SLC71A2: variants seen among roughly 807,000 people sequenced by gnomAD.
The protein encoded by SLC71A2 is hippocampus abundant transcript-like 1.
the SLC71A2 span, among the ~76,000 whole-genome samples, chr9:94,407,039 A>G: frequency 6.6e-6 from 1 of 151,964 alleles, no homozygotes. Flanking sequence ...ATTGAATATG[A>G]TGTGAAGTAT....
the SLC71A2 span, among the ~76,000 whole-genome samples, chr9:94,426,983 A>C: frequency 7.7e-4 from 118 of 152,310 alleles, no homozygotes; most frequent in African/African-American, 2.6e-3. Flanking sequence ...TTACAGGTGT[A>C]TGCCACTGTG....
chr9:94,431,107 TC>T, the SLC71A2 span, among the ~76,000 whole-genome samples: 1 of 152,026 alleles, frequency 6.6e-6, no homozygotes, highest in African/African-American at 2.4e-5. Context: ...GATCAGGAGA[TC>T]GAGACCATCC....
the SLC71A2 span, among the ~76,000 whole-genome samples, chr9:94,395,553 T>C: frequency 6.6e-6 from 1 of 152,176 alleles, no homozygotes; most frequent in Non-Finnish European, 1.5e-5. Flanking sequence ...TGGCTTTGGA[T>C]CTTCAGGATT....
the SLC71A2 span, among the ~76,000 whole-genome samples, chr9:94,413,865 A>G: frequency 8.0e-3 from 1,215 of 152,250 alleles, 18 homozygotes; most frequent in African/African-American, 0.028. Flanking sequence ...CCTTGCTCCT[A>G]TGTCTGACAG....
chr9:94,397,482 G>A, the SLC71A2 span, among the ~76,000 whole-genome samples: 2 of 73,362 alleles, frequency 2.7e-5, no homozygotes, highest in Admixed American at 1.6e-4. Context: ...TTGGGAGAGT[G>A]TTTGGAAAAA....
chr9:94,388,370 A>G, the SLC71A2 span, among the ~76,000 whole-genome samples: 1 of 152,334 alleles, frequency 6.6e-6, no homozygotes, highest in Admixed American at 6.5e-5. Context: ...CACTAAAAAA[A>G]AGGCCATACC....
the SLC71A2 span, among the ~76,000 whole-genome samples, chr9:94,433,489 A>G: frequency 6.6e-6 from 1 of 151,140 alleles, no homozygotes; most frequent in East Asian, 1.9e-4. Flanking sequence ...CCTGACCAAC[A>G]TCGAGAAACC....
At chr9:94,381,559 G>T in the SLC71A2 span, among the ~76,000 whole-genome samples, 4 of 152,248 alleles carry the variant, frequency 2.6e-5, no homozygotes, top group Non-Finnish European at 5.9e-5. Context: ...CCAGTTTTTG[G>T]CTATTACAAA....
the SLC71A2 span, among the ~76,000 whole-genome samples, chr9:94,392,602 G>A: frequency 1.9e-4 from 29 of 152,042 alleles, no homozygotes; most frequent in African/African-American, 7.0e-4. Flanking sequence ...CTGGGTTCAA[G>A]TGATTCTCCT....
the SLC71A2 span, chr9:94,444,948 G>C: frequency 6.2e-7 from 1 of 1,612,132 alleles, no homozygotes; most frequent in Non-Finnish European, 8.5e-7. Context: ...CTGGGTGAGA[G>C]TGTGCTTTCC....
chr9:94,419,554 C>T, the SLC71A2 span, among the ~76,000 whole-genome samples: 4 of 152,158 alleles, frequency 2.6e-5, no homozygotes, highest in Non-Finnish European at 4.4e-5. Flanking sequence ...ATCCGCCCAC[C>T]TCGGCCTCCC....
chr9:94,379,411 G>T, the SLC71A2 span, among the ~76,000 whole-genome samples: 4 of 121,898 alleles, frequency 3.3e-5, no homozygotes, highest in Admixed American at 7.8e-5. Context: ...TTTAAGAGGT[G>T]AGGCCTCACT....
At chr9:94,425,644 T>C in the SLC71A2 span, among the ~76,000 whole-genome samples, 1 of 151,996 alleles carries the variant, frequency 6.6e-6, no homozygotes, top group East Asian at 1.9e-4. Flanking sequence ...GCAGTGATAT[T>C]AGGAGCAGTT....
the SLC71A2 span, among the ~76,000 whole-genome samples, chr9:94,439,022 G>GTTTTT: frequency 3.5e-4 from 41 of 115,702 alleles, 3 homozygotes; most frequent in South Asian, 7.2e-3. Context: ...ATTTGAGTTC[G>GTTTTT]TTTTTTTTTT....
the SLC71A2 span, among the ~76,000 whole-genome samples, chr9:94,448,149 T>C: frequency 9.8e-5 from 15 of 152,292 alleles, no homozygotes; most frequent in East Asian, 3.9e-4. Flanking sequence ...ATAAAACTTA[T>C]TTCAGACCTG....
At chr9:94,378,322 C>G in the SLC71A2 span, among the ~76,000 whole-genome samples, 18 of 151,984 alleles carry the variant, frequency 1.2e-4, no homozygotes, top group Admixed American at 6.6e-4. Context: ...AGCAGCTTAT[C>G]ACGTGTTGGG....
At chr9:94,428,756 A>G in the SLC71A2 span, among the ~76,000 whole-genome samples, 1 of 152,042 alleles carries the variant, frequency 6.6e-6, no homozygotes, top group Non-Finnish European at 1.5e-5. Flanking sequence ...TAATGCATGT[A>G]TCCACCATCA....
chr9:94,396,450 G>C, the SLC71A2 span, among the ~76,000 whole-genome samples: 2 of 152,234 alleles, frequency 1.3e-5, no homozygotes, highest in Non-Finnish European at 2.9e-5. Flanking sequence ...AGGAGGCGGA[G>C]GTTGCAGTGA....
At chr9:94,429,128 C>T in the SLC71A2 span, 25 of 1,598,646 alleles carry the variant, frequency 1.6e-5, no homozygotes, top group African/African-American at 2.3e-4. Context: ...TTAAAAGAGG[C>T]AGAAAATTTT....
Sources: gnomAD v4.1 joint callset for allele counts (sites outside exome capture counted in the v4.1 genomes callset) on GRCh38, gnomAD v4.1.1 for gene constraint, MANE v1.5 for transcripts, NCBI Gene and HGNC (gene_info 2026-07-23, HGNC 2026-07-21) for gene names.